Variants in TEK observed in about 807,000 individuals in gnomAD.
TEK encodes the protein TEK receptor tyrosine kinase.
TEK carries 43 observed loss-of-function variants against 131.8 expected under a neutral mutation model. The observed-to-expected ratio is 0.33, with a 90% CI of 0.26 to 0.42. The LOEUF is 0.42. Among genes scored for constraint, TEK ranks in the 10% least tolerant of loss-of-function variants. The probability of loss-of-function intolerance (pLI) is 1.00; values close to 1 mark genes in which losing one functional copy is unlikely to be tolerated. For missense variants in TEK, 1,162 were observed against 1,384.4 expected (o/e 0.84, Z 2.55); for synonymous variants, 580 against 491.6 (o/e 1.18, Z -2.38).
chr9:27,164,272 G>A (rs1823646941), intron 2 of TEK, among the ~76,000 whole-genome samples: 1 of 151,456 alleles, frequency 6.6e-6, no homozygotes, highest in Admixed American at 6.6e-5. Context: ...TTTAGTTGGA[G>A]TCTCGCTCTG....
At chr9:27,204,775 G>A in intron 13 of TEK, 136 bp from the exon 14 acceptor site, 1 of 1,082,550 alleles carries the variant, frequency 9.2e-7, no homozygotes, top group South Asian at 1.3e-5. Context: ...AGTAGCCCGA[G>A]GTCATATAGT....
intron 12 of TEK, among the ~76,000 whole-genome samples, chr9:27,197,879 G>A (rs993445239): frequency 6.6e-6 from 1 of 152,184 alleles, no homozygotes; most frequent in Non-Finnish European, 1.5e-5. Context: ...TCTAGGGCTT[G>A]TTGAACCATT....
intron 9 of TEK, among the ~76,000 whole-genome samples, chr9:27,186,853 C>T (rs2131176688): frequency 6.6e-6 from 1 of 152,280 alleles, no homozygotes; most frequent in Non-Finnish European, 1.5e-5. Flanking sequence ...CCAATAACAA[C>T]AGTAGCGTAA....
chr9:27,204,547 T>TA (rs1288039615), intron 13 of TEK, among the ~76,000 whole-genome samples: 2 of 152,216 alleles, frequency 1.3e-5, no homozygotes, highest in Non-Finnish European at 2.9e-5. Flanking sequence ...TTAGGGAGGT[T>TA]TAGTCACTCT....
chr9:27,216,161 T>C (rs892379315), intron 18 of TEK, among the ~76,000 whole-genome samples: 1 of 152,104 alleles, frequency 6.6e-6, no homozygotes, highest in African/African-American at 2.4e-5. Flanking sequence ...CTTGGAACCA[T>C]AGGGACATTA....
chr9:27,114,352 C>G (rs996862633), intron 1 of TEK, among the ~76,000 whole-genome samples: 7 of 152,118 alleles, frequency 4.6e-5, no homozygotes, highest in Admixed American at 2.0e-4. Flanking sequence ...GTGGGCAGAT[C>G]ACGAGATCAG....
chr9:27,191,604 A>C (rs1239256714), intron 10 of TEK, among the ~76,000 whole-genome samples: 3 of 148,884 alleles, frequency 2.0e-5, no homozygotes, highest in Non-Finnish European at 4.5e-5. Context: ...AAAAAAAAAG[A>C]GAAGAGGAGG....
At chr9:27,204,457 A>G (rs1007139582) in intron 13 of TEK, among the ~76,000 whole-genome samples, 1 of 152,136 alleles carries the variant, frequency 6.6e-6, no homozygotes, top group African/African-American at 2.4e-5. Context: ...AAACAAGACA[A>G]ACAAAACAAA....
chr9:27,110,906 T>C (rs532169807), intron 1 of TEK, among the ~76,000 whole-genome samples: 1 of 65,170 alleles, frequency 1.5e-5, no homozygotes, highest in Admixed American at 2.6e-4. Flanking sequence ...ATTATCATGA[T>C]TCCATTTTTG....
intron 1 of TEK, among the ~76,000 whole-genome samples, chr9:27,139,733 G>C (rs528681211): frequency 1.7e-4 from 26 of 152,194 alleles, no homozygotes; most frequent in African/African-American, 6.3e-4. Context: ...TGTGGTTTGA[G>C]AGTATTGTAT....
chr9:27,213,731 C>T, intron 18 of TEK, 134 bp downstream of exon 18: 1 of 709,710 alleles, frequency 1.4e-6, no homozygotes. Flanking sequence ...TACTGTGTGC[C>T]CTGGGAAACA....
At position 27,109,231 on chromosome 9, in the gene TEK, C is replaced by G. The variant is rs1246510222; in HGVS notation, c.-360C>G. ...ACACTTCCAACAAAAATTCCTCTGC[C>G]CCTACAGCAGCAGCAAAAGCAGCAG... On this transcript the variant is annotated 5_prime_UTR_variant, in exon 1 of 23. Transcript: ENST00000380036. 1.7e-5 allele frequency: 9 copies of G among 529,058 alleles called. No homozygotes were observed. The highest frequency in any genetic ancestry group is 1.3e-4 in the South Asian group (4 of 30,064). 32.8% of individuals were successfully genotyped at this position (529,058 alleles called of 1,614,324 possible).
chr9:27,226,754 T>C (rs1826347010), intron 21 of TEK, among the ~76,000 whole-genome samples: 1 of 152,150 alleles, frequency 6.6e-6, no homozygotes, highest in African/African-American at 2.4e-5. Flanking sequence ...TTTTCTTGCC[T>C]AGAACCTTGC....
chr9:27,135,729 A>G (rs1822400205), intron 1 of TEK, among the ~76,000 whole-genome samples: 1 of 148,818 alleles, frequency 6.7e-6, no homozygotes, highest in South Asian at 2.1e-4. Flanking sequence ...GATGGCTTGA[A>G]TCCCTGGACT....
At chr9:27,178,476 G>T (rs370428017) in intron 6 of TEK, among the ~76,000 whole-genome samples, 1 of 151,970 alleles carries the variant, frequency 6.6e-6, no homozygotes, top group African/African-American at 2.4e-5. Context: ...TTTTAGTATC[G>T]TTTTTTCTAT....
intron 6 of TEK, among the ~76,000 whole-genome samples, chr9:27,176,493 C>T (rs1470390809): frequency 6.6e-6 from 1 of 152,202 alleles, no homozygotes; most frequent in Admixed American, 6.5e-5. Flanking sequence ...TAGTTCTTAA[C>T]CTTTCTACCA....
Position 27,157,914 on chromosome 9 carries a change from G to T in TEK, c.136G>T (p.Ala46Ser), listed in dbSNP as rs777314139. Residue 46 changes from alanine (A) to serine (S), a missense_variant, in exon 2 of 23, where the codon GCC becomes TCC. Ala to Ser is a moderately conservative substitution (Grantham distance 99). Coordinates refer to ENST00000380036, the MANE Select transcript of TEK (RefSeq NM_000459.5). ...TGCTGAAACATCTCTCACCTGCATT[G>T]CCTCTGGGTGGCGCCCCCATGAGCC... Reference protein sequence around the residue: ...SDAETSLTCIASGWRPHEPIT... With the variant: ...SDAETSLTCISSGWRPHEPIT... The T allele has an allele frequency of 1.2e-6, 2 of 1,613,970 alleles. No individual in the cohort carries two copies. The highest frequency in any genetic ancestry group is 1.7e-6 in the Non-Finnish European group (2 of 1,180,006).
At chr9:27,114,288 T>C (rs983089974) in intron 1 of TEK, among the ~76,000 whole-genome samples, 3 of 152,158 alleles carry the variant, frequency 2.0e-5, no homozygotes. Flanking sequence ...TAATATTACA[T>C]TGGGCCAGGC....
intron 1 of TEK, among the ~76,000 whole-genome samples, chr9:27,139,416 C>T (rs1304111656): frequency 1.0e-4 from 15 of 147,156 alleles, no homozygotes; most frequent in Non-Finnish European, 1.8e-4. Context: ...CATGCTCCGC[C>T]TCCTGGGTTC....
Sources: gnomAD v4.1 joint callset for allele counts (sites outside exome capture counted in the v4.1 genomes callset) on GRCh38, gnomAD v4.1.1 for gene constraint, MANE v1.5 for transcripts, NCBI Gene and HGNC (gene_info 2026-07-23, HGNC 2026-07-21) for gene names.